SPMIP7: variants seen among roughly 807,000 people sequenced by gnomAD.
SPMIP7 encodes the protein sperm microtubule inner protein 7, also known as protein SPMIP7.
chr7:50,115,897 C>T, the SPMIP7 span, among the ~76,000 whole-genome samples: 5 of 152,152 alleles, frequency 3.3e-5, no homozygotes, highest in Middle Eastern at 3.4e-3. Context: ...TTGAAAGCAT[C>T]CCCTGTGTAA....
At chr7:50,111,496 C>T in the SPMIP7 span, among the ~76,000 whole-genome samples, 13 of 152,246 alleles carry the variant, frequency 8.5e-5, no homozygotes, top group African/African-American at 2.4e-4. Context: ...TTACTGTACA[C>T]GTGGTGACAA....
chr7:50,137,871 C>A, the SPMIP7 span, among the ~76,000 whole-genome samples: 2 of 152,266 alleles, frequency 1.3e-5, no homozygotes, highest in African/African-American at 4.8e-5. Flanking sequence ...ATTGTCACAA[C>A]TTTTCTGTTC....
At chr7:50,152,627 C>T in the SPMIP7 span, among the ~76,000 whole-genome samples, 66,254 of 151,622 alleles carry the variant, frequency 0.44, 14,910 homozygotes, top group East Asian at 0.72. Context: ...TTCTAGATCA[C>T]ATTCTTTTGG....
chr7:50,140,887 T>C, the SPMIP7 span, among the ~76,000 whole-genome samples: 2 of 152,342 alleles, frequency 1.3e-5, no homozygotes, highest in East Asian at 3.9e-4. Flanking sequence ...CAAGCTCCTC[T>C]GCACCTGTGA....
chr7:50,096,134 A>C, the SPMIP7 span: 1 of 1,540,160 alleles, frequency 6.5e-7, no homozygotes. Flanking sequence ...TATCTCTAAA[A>C]GGTCCATCCT....
At chr7:50,126,552 T>A in the SPMIP7 span, among the ~76,000 whole-genome samples, 3 of 151,928 alleles carry the variant, frequency 2.0e-5, no homozygotes, top group South Asian at 6.2e-4. Flanking sequence ...TTACCTCATA[T>A]AACAAAATCA....
chr7:50,153,811 A>G, the SPMIP7 span, among the ~76,000 whole-genome samples: 1 of 152,054 alleles, frequency 6.6e-6, no homozygotes, highest in South Asian at 2.1e-4. Flanking sequence ...GGCACAGTAA[A>G]GGCACCCTAG....
the SPMIP7 span, among the ~76,000 whole-genome samples, chr7:50,138,046 G>A: frequency 6.6e-6 from 1 of 152,030 alleles, no homozygotes; most frequent in Non-Finnish European, 1.5e-5. Flanking sequence ...TTGTTTTTGT[G>A]AAGATTTTAA....
chr7:50,149,408 C>A, the SPMIP7 span, among the ~76,000 whole-genome samples: 1 of 152,204 alleles, frequency 6.6e-6, no homozygotes, highest in Admixed American at 6.5e-5. Context: ...ATTGAAGTCT[C>A]CTCTAATCCC....
At chr7:50,147,504 G>T in the SPMIP7 span, among the ~76,000 whole-genome samples, 1 of 152,128 alleles carries the variant, frequency 6.6e-6, no homozygotes, top group Admixed American at 6.5e-5. Context: ...CATTTAAAAG[G>T]GTGCCTGGAA....
the SPMIP7 span, among the ~76,000 whole-genome samples, chr7:50,121,550 T>C: frequency 6.6e-6 from 1 of 152,238 alleles, no homozygotes; most frequent in Non-Finnish European, 1.5e-5. Flanking sequence ...CCACATTTTG[T>C]AGTGGAACTC....
At chr7:50,129,812 G>A in the SPMIP7 span, 2 of 1,486,334 alleles carry the variant, frequency 1.3e-6, no homozygotes, top group Non-Finnish European at 1.8e-6. Context: ...TTTTCCCAGT[G>A]GAATTTTGAT....
At chr7:50,100,811 A>AAAAATAAATAAATAAATAAAT in the SPMIP7 span, among the ~76,000 whole-genome samples, 2 of 130,590 alleles carry the variant, frequency 1.5e-5, no homozygotes, top group Non-Finnish European at 3.3e-5. Context: ...GATGCCGTCC[A>AAAAATAAATAAATAAATAAAT]AAAATAAATA....
the SPMIP7 span, chr7:50,151,451 G>A: frequency 6.5e-7 from 1 of 1,548,718 alleles, no homozygotes; most frequent in Non-Finnish European, 8.7e-7. Context: ...TCACTTTAGT[G>A]CTGCAAATAT....
At chr7:50,104,320 C>T in the SPMIP7 span, 1 of 1,518,524 alleles carries the variant, frequency 6.6e-7, no homozygotes, top group Non-Finnish European at 8.9e-7. Context: ...TCAGGTTGGA[C>T]AAGCCCTCTG....
the SPMIP7 span, among the ~76,000 whole-genome samples, chr7:50,145,549 T>A: frequency 8.4e-6 from 1 of 118,746 alleles, no homozygotes; most frequent in Non-Finnish European, 1.7e-5. Context: ...TATTGTAGAT[T>A]ATATATACAT....
chr7:50,103,485 C>T, the SPMIP7 span, among the ~76,000 whole-genome samples: 1 of 152,258 alleles, frequency 6.6e-6, no homozygotes, highest in African/African-American at 2.4e-5. Flanking sequence ...ATTTCTTTTG[C>T]TTATCTTCTA....
At chr7:50,131,466 G>T in the SPMIP7 span, among the ~76,000 whole-genome samples, 1 of 152,144 alleles carries the variant, frequency 6.6e-6, no homozygotes, top group Admixed American at 6.6e-5. Context: ...CAGAGGCCTG[G>T]GCCAGAGAAA....
the SPMIP7 span, among the ~76,000 whole-genome samples, chr7:50,120,569 G>T: frequency 1.3e-5 from 2 of 152,118 alleles, no homozygotes; most frequent in African/African-American, 4.8e-5. Flanking sequence ...AATTTAAAAG[G>T]TAGCCAACAC....
Sources: allele counts gnomAD v4.1 joint callset (sites outside exome capture counted in the v4.1 genomes callset), GRCh38; gene constraint gnomAD v4.1.1; transcripts MANE v1.5; gene names NCBI Gene and HGNC (gene_info 2026-07-23, HGNC 2026-07-21).